CPPED1: variants seen among roughly 807,000 people sequenced by gnomAD.
The protein encoded by CPPED1 is calcineurin like phosphoesterase domain containing 1, also known as serine/threonine-protein phosphatase CPPED1.
A neutral mutation model predicts 28.0 loss-of-function variants in CPPED1; 28 were observed. That is an observed-to-expected ratio of 1.00 (90% confidence interval 0.74 to 1.37). The LOEUF is 1.37. Ranked by LOEUF, CPPED1 falls within the 40% of genes most tolerant of loss-of-function variation. The pLI is 0.00. For missense variants in CPPED1, 504 were observed against 416.5 expected, an observed-to-expected ratio of 1.21 and a Z score of -1.83; for synonymous variants, 198 against 180.2, an observed-to-expected ratio of 1.10 and a Z score of -0.79.
intron 2 of CPPED1, among the ~76,000 whole-genome samples, chr16:12,767,372 T>G (rs1363861523): frequency 6.6e-6 from 1 of 152,174 alleles, no homozygotes; most frequent in Admixed American, 6.5e-5. Flanking sequence ...CCCAAAATAG[T>G]GAAGGCATAT....
intron 1 of CPPED1, among the ~76,000 whole-genome samples, chr16:12,796,038 A>T (rs2080625734): frequency 6.6e-6 from 1 of 151,474 alleles, no homozygotes. Context: ...AGCCAAGATC[A>T]CGCCACTGCA....
chr16:12,803,633 C>G, intron 1 of CPPED1, 74 bp downstream of exon 1: 1 of 1,303,648 alleles, frequency 7.7e-7, no homozygotes. Context: ...GAGCGCACAC[C>G]TGAACAAAAG....
At chr16:12,731,932 G>T (rs995300762) in intron 2 of CPPED1, among the ~76,000 whole-genome samples, 30 of 151,976 alleles carry the variant, frequency 2.0e-4, no homozygotes, top group African/African-American at 7.0e-4. Flanking sequence ...GGAGGCCAAG[G>T]TGGGTGGATC....
At chr16:12,695,642 G>C (rs886130789) in intron 3 of CPPED1, among the ~76,000 whole-genome samples, 3 of 152,204 alleles carry the variant, frequency 2.0e-5, no homozygotes, top group South Asian at 2.1e-4. Context: ...AAACAGAATA[G>C]AACATACTCT....
chr16:12,788,716 G>C (rs1016889822), intron 1 of CPPED1, among the ~76,000 whole-genome samples: 1 of 152,192 alleles, frequency 6.6e-6, no homozygotes, highest in Non-Finnish European at 1.5e-5. Context: ...GAGCCATGAT[G>C]AAGACAGAAC....
At chr16:12,780,033 C>T (rs188858050) in intron 2 of CPPED1, among the ~76,000 whole-genome samples, 37 of 152,272 alleles carry the variant, frequency 2.4e-4, no homozygotes, top group East Asian at 1.2e-3. Flanking sequence ...TGTCTGTCAT[C>T]GTTGAATTTC....
intron 2 of CPPED1, among the ~76,000 whole-genome samples, chr16:12,720,958 T>C (rs1172191984): frequency 6.6e-6 from 1 of 152,226 alleles, no homozygotes; most frequent in African/African-American, 2.4e-5. Flanking sequence ...AGGATGGCTA[T>C]GAATGGCATG....
In CPPED1 at chr16:12,778,169, C is replaced by T. The variant is rs368779799; in HGVS notation, c.289+3016G>A. On this transcript the variant is annotated intron_variant, in intron 2 of 3. Coordinates refer to ENST00000381774, the MANE Select transcript of CPPED1 (RefSeq NM_018340.3). ...AAGTGATCCACCCACCTCGGCCTCC[C>T]AAAGTGCTGGGATTACAGGTGTGAG... 3.6e-4 allele frequency among the ~76,000 whole-genome samples: 54 copies of T among 152,092 alleles called. 1 individual carries two copies. In the East Asian group the frequency reaches 6.6e-3, roughly 18 times the overall value.
At chr16:12,725,463 T>C (rs1213300665) in intron 2 of CPPED1, among the ~76,000 whole-genome samples, 1 of 152,226 alleles carries the variant, frequency 6.6e-6, no homozygotes, top group African/African-American at 2.4e-5. Flanking sequence ...GATAGGCTTT[T>C]ATTTTTTTCA....
At chr16:12,770,767 A>G (rs1173298827) in intron 2 of CPPED1, among the ~76,000 whole-genome samples, 3 of 152,008 alleles carry the variant, frequency 2.0e-5, no homozygotes. Context: ...GGTTGCAGTG[A>G]GCCGAGATCG....
chr16:12,726,190 C>T (rs537535329), intron 2 of CPPED1, among the ~76,000 whole-genome samples: 43 of 151,242 alleles, frequency 2.8e-4, no homozygotes, highest in Non-Finnish European at 4.6e-4. Flanking sequence ...TACAGGTGCA[C>T]GTCACCATGC....
intron 3 of CPPED1, among the ~76,000 whole-genome samples, chr16:12,685,962 T>C (rs2079930568): frequency 6.6e-6 from 1 of 152,160 alleles, no homozygotes; most frequent in Non-Finnish European, 1.5e-5. Context: ...GCCTAAGGAA[T>C]GGGTCATGAC....
At chr16:12,753,464 G>C (rs1486362737) in intron 2 of CPPED1, 1 of 152,368 alleles carries the variant, frequency 6.6e-6, no homozygotes, top group African/African-American at 2.4e-5. Context: ...AGCAGCAGCA[G>C]AGAACAGAAG....
intron 1 of CPPED1, among the ~76,000 whole-genome samples, chr16:12,791,956 C>CT (rs371249356): frequency 0.03 from 4,348 of 145,514 alleles, 169 homozygotes; most frequent in African/African-American, 0.085. Context: ...CCAGCGGTAT[C>CT]TTTTTTTTTT....
chr16:12,732,035 C>T (rs980067222), intron 2 of CPPED1, among the ~76,000 whole-genome samples: 24 of 151,958 alleles, frequency 1.6e-4, no homozygotes, highest in Admixed American at 7.2e-4. Context: ...TAGTGGCACA[C>T]GCCTGTAATC....
intron 3 of CPPED1, among the ~76,000 whole-genome samples, chr16:12,689,559 T>C (rs1037873345): frequency 7.9e-5 from 12 of 151,806 alleles, no homozygotes; most frequent in Non-Finnish European, 1.6e-4. Context: ...AAACTGTTCA[T>C]GAATGGACTG....
chr16:12,697,197 G>C (rs527565292), intron 3 of CPPED1, among the ~76,000 whole-genome samples: 21 of 152,002 alleles, frequency 1.4e-4, no homozygotes, highest in East Asian at 1.4e-3. Flanking sequence ...GCTAATTTTT[G>C]TATTTTTAGT....
chr16:12,737,718 CATGAG>C lies in CPPED1; in HGVS notation c.290-32674_290-32670del, dbSNP rs1457734419. Reference sequence around the variant, plus strand: ...GCAGTGGTCAGAGGGGCTGCTGAGCCATGAGAAGAAAAGGGACACTGGAGCTGCGC... The same window carrying C: ...GCAGTGGTCAGAGGGGCTGCTGAGCCAAGAAAAGGGACACTGGAGCTGCGC... On this transcript the variant is annotated intron_variant, in intron 2 of 3. Transcript: ENST00000381774. Among the ~76,000 whole-genome samples, 69 of 152,282 alleles carry C rather than the reference CATGAG, an allele frequency of 4.5e-4. 1 individual carries two copies.
At chr16:12,669,847 T>A (rs2079844883) in intron 3 of CPPED1, among the ~76,000 whole-genome samples, 1 of 152,174 alleles carries the variant, frequency 6.6e-6, no homozygotes, top group Non-Finnish European at 1.5e-5. Context: ...CATCTTGTGT[T>A]GCCAGAAAGG....
Sources: gnomAD v4.1 joint callset for allele counts (sites outside exome capture counted in the v4.1 genomes callset) on GRCh38, gnomAD v4.1.1 for gene constraint, MANE v1.5 for transcripts, NCBI Gene and HGNC (gene_info 2026-07-23, HGNC 2026-07-21) for gene names.